Variants in MEGF11 observed in about 807,000 individuals in gnomAD.
MEGF11 encodes multiple epidermal growth factor-like domains protein 11.
Under a neutral mutation model 146.6 loss-of-function variants are expected in MEGF11, and 126 were observed. The observed-to-expected ratio is 0.86, with a 90% confidence interval of 0.74 to 1.00. MEGF11 has a LOEUF of 1.00. Ranked by LOEUF, MEGF11 falls within the 50% of genes least tolerant of loss-of-function variation. The pLI, the probability that MEGF11 is intolerant of heterozygous loss-of-function variation, is 0.00. For missense variants in MEGF11, 1,509 were observed against 1,521.2 expected (o/e 0.99, Z 0.13); for synonymous variants, 532 against 583.4 (o/e 0.91, Z 1.27).
intron 5 of MEGF11, among the ~76,000 whole-genome samples, chr15:66,068,313 C>T (rs1411431957): frequency 6.6e-6 from 1 of 152,166 alleles, no homozygotes; most frequent in Admixed American, 6.5e-5. Flanking sequence ...AGTGGCACTA[C>T]TGACATTTGA....
intron 1 of MEGF11, among the ~76,000 whole-genome samples, chr15:66,238,187 G>A (rs903599333): frequency 3.3e-5 from 5 of 152,176 alleles, no homozygotes; most frequent in African/African-American, 1.2e-4. Flanking sequence ...CCCACTGCTA[G>A]GAGCCCAGTT....
In MEGF11 at chr15:66,084,533, AC is replaced by A. The variant is rs529039181; in HGVS notation, c.394+9868del. 4.0e-3 allele frequency among the ~76,000 whole-genome samples: 600 copies of A among 151,670 alleles called. 3 individuals carry two copies. Among genetic ancestry groups the A allele is most frequent in the African/African-American group, 0.014 (578 of 41,318 alleles). On this transcript the variant is annotated intron_variant, in intron 5 of 25. Coordinates refer to ENST00000395614, the MANE Select transcript of MEGF11 (RefSeq NM_001385028.1). Reference sequence around the variant, plus strand: ...AGGGAGACCCTCCTCTCCCGAACACACCCCCCCACTGGAGAGGCTGAAGTCT... The same window carrying A: ...AGGGAGACCCTCCTCTCCCGAACACACCCCCCACTGGAGAGGCTGAAGTCT...
chr15:66,249,910 A>G (rs2092347353), intron 1 of MEGF11, among the ~76,000 whole-genome samples: 1 of 152,226 alleles, frequency 6.6e-6, no homozygotes, highest in African/African-American at 2.4e-5. Flanking sequence ...ACTAGGAAGA[A>G]AAGAGCAGCA....
chr15:66,239,402 A>G (rs2092161464), intron 1 of MEGF11, among the ~76,000 whole-genome samples: 1 of 152,220 alleles, frequency 6.6e-6, no homozygotes, highest in Non-Finnish European at 1.5e-5. Flanking sequence ...CACCTGCTCA[A>G]GAACCACTGA....
chr15:66,216,993 T>C (rs1182981038), intron 1 of MEGF11, among the ~76,000 whole-genome samples: 2 of 152,266 alleles, frequency 1.3e-5, no homozygotes, highest in African/African-American at 2.4e-5. Flanking sequence ...GAGCACCCCA[T>C]GGGACTGGCC....
rs560519547 is a variant in MEGF11, at chr15:65,912,286, C to T, written c.2711-86G>A. On this transcript the variant is annotated intron_variant, in intron 20 of 25. Transcript: ENST00000395614. ...CAGTACTAATGCTTGCGCTGGGAGC[C>T]TTGAGAGAGCCCTGCAAAGACAAAC... 8 of 795,888 alleles carry T rather than the reference C, an allele frequency of 1.0e-5. No homozygotes were observed. The South Asian group carries it at 5.3e-4, about 53-fold the overall frequency. The allele number at this position is 795,888 out of a possible 1,614,324, so 49.3% of individuals were successfully genotyped here. A position where few individuals can be genotyped will look rare whatever the true frequency, so the allele number is the denominator to read the frequency against.
chr15:66,004,406 G>A (rs1386743476), intron 5 of MEGF11, among the ~76,000 whole-genome samples: 1 of 126,696 alleles, frequency 7.9e-6, no homozygotes, highest in Admixed American at 8.7e-5. Flanking sequence ...CAGAGGGGGG[G>A]CTTCAAGTAT....
chr15:66,007,539 T>G (rs1424187366), intron 5 of MEGF11, among the ~76,000 whole-genome samples: 10 of 152,068 alleles, frequency 6.6e-5, no homozygotes, highest in Admixed American at 5.2e-4. Context: ...CACTTGAGAC[T>G]AGGAGTTCAA....
chr15:66,176,641 C>T (rs1176431461), intron 1 of MEGF11, among the ~76,000 whole-genome samples: 3 of 152,190 alleles, frequency 2.0e-5, no homozygotes, highest in African/African-American at 4.8e-5. Flanking sequence ...TGCAGAGGAC[C>T]CTTTGGACAG....
At chr15:66,113,225 T>C (rs1171021836) in intron 4 of MEGF11, among the ~76,000 whole-genome samples, 1 of 151,962 alleles carries the variant, frequency 6.6e-6, no homozygotes, top group Non-Finnish European at 1.5e-5. Context: ...CCTCCTAGGG[T>C]TGGCACAGTC....
chr15:66,243,018 C>T (rs2092241034), intron 1 of MEGF11, among the ~76,000 whole-genome samples: 1 of 152,176 alleles, frequency 6.6e-6, no homozygotes, highest in African/African-American at 2.4e-5. Context: ...AAACTTTAAG[C>T]ACTACCCTGC....
chr15:66,178,394 T>A (rs1457761605), intron 1 of MEGF11, among the ~76,000 whole-genome samples: 1 of 152,152 alleles, frequency 6.6e-6, no homozygotes, highest in Non-Finnish European at 1.5e-5. Context: ...ACACAGGACA[T>A]GAGGCCTCTA....
intron 5 of MEGF11, among the ~76,000 whole-genome samples, chr15:66,039,827 AGGC>A: frequency 3.0e-5 from 1 of 33,656 alleles, no homozygotes; most frequent in Non-Finnish European, 5.7e-5. Flanking sequence ...GAGCCGGGTC[AGGC>A]GGCGGTGGGG....
At chr15:65,941,714 G>GC (rs577096778) in intron 10 of MEGF11, among the ~76,000 whole-genome samples, 81 of 152,322 alleles carry the variant, frequency 5.3e-4, no homozygotes, top group Non-Finnish European at 1.0e-3. Context: ...GACTTATTGA[G>GC]CAAACTCATG....
chr15:66,019,098 G>A (rs934327749), intron 5 of MEGF11, among the ~76,000 whole-genome samples: 12 of 152,206 alleles, frequency 7.9e-5, no homozygotes, highest in Admixed American at 7.8e-4. Flanking sequence ...CTCATAAGTG[G>A]CAAGGGGCAG....
intron 10 of MEGF11, among the ~76,000 whole-genome samples, chr15:65,946,911 C>T (rs970745745): frequency 7.2e-5 from 11 of 152,198 alleles, no homozygotes; most frequent in African/African-American, 2.2e-4. Context: ...ACACCTGTGC[C>T]TCATGGCCAG....
chr15:65,935,073 C>T (rs112038279), intron 10 of MEGF11, among the ~76,000 whole-genome samples: 36 of 152,148 alleles, frequency 2.4e-4, no homozygotes, highest in African/African-American at 6.7e-4. Flanking sequence ...GTAATCCCAG[C>T]GCTTTGGGAG....
chr15:66,140,926 G>A (rs2089120164), intron 1 of MEGF11, among the ~76,000 whole-genome samples: 1 of 152,114 alleles, frequency 6.6e-6, no homozygotes, highest in Non-Finnish European at 1.5e-5. Context: ...ATTCCCTGTT[G>A]GATTAGAACC....
chr15:66,169,844 C>T (rs185905172), intron 1 of MEGF11, among the ~76,000 whole-genome samples: 5 of 152,334 alleles, frequency 3.3e-5, no homozygotes, highest in Admixed American at 2.0e-4. Context: ...CGGACCATCC[C>T]GGCAGGTCAC....
Sources: gnomAD v4.1 joint callset for allele counts (sites outside exome capture counted in the v4.1 genomes callset) on GRCh38, gnomAD v4.1.1 for gene constraint, MANE v1.5 for transcripts, NCBI Gene and HGNC (gene_info 2026-07-23, HGNC 2026-07-21) for gene names.